The following ZFPM2 variants were observed in gnomAD, a reference collection of about 807,000 sequenced individuals.
ZFPM2 encodes zinc finger protein ZFPM2.
ZFPM2 carries 20 observed loss-of-function variants against 98.6 expected under a neutral mutation model. The ratio of observed to expected loss-of-function variants is 0.20; its 90% confidence interval spans 0.14 to 0.29. The LOEUF is 0.29. Ranked by LOEUF, ZFPM2 falls within the 10% of genes least tolerant of loss-of-function variation. The pLI is 1.00. For missense variants in ZFPM2, 1,310 were observed against 1,388.6 expected, an observed-to-expected ratio of 0.94 and a Z score of 0.90; for synonymous variants, 518 against 502.7, an observed-to-expected ratio of 1.03 and a Z score of -0.41.
chr8:105,335,279 A>G (rs1451474572), intron 1 of ZFPM2, among the ~76,000 whole-genome samples: 1 of 151,720 alleles, frequency 6.6e-6, no homozygotes, highest in Non-Finnish European at 1.5e-5. Flanking sequence ...TTTCAGCCTC[A>G]GTGGAATATT....
At chr8:105,788,192 A>T (rs1046273465) in intron 5 of ZFPM2, among the ~76,000 whole-genome samples, 13 of 152,130 alleles carry the variant, frequency 8.5e-5, no homozygotes, top group Non-Finnish European at 1.5e-4. Context: ...TTTCATTTTA[A>T]TTTTCTAGAT....
chr8:105,505,741 G>C lies in ZFPM2; in HGVS notation c.302-55622G>C, dbSNP rs1369763303. Among the ~76,000 whole-genome samples the C allele has an allele frequency of 2.0e-5, 3 of 151,922 alleles. No individual in the cohort carries two copies. The East Asian group carries it at 5.8e-4, about 29-fold the overall frequency. On this transcript the variant is annotated intron_variant, in intron 3 of 7. Coordinates refer to ENST00000407775, the MANE Select transcript of ZFPM2 (RefSeq NM_012082.4). ...TAGTTAAGCTAATGATTAATCACTGGTAATCAATGAGATATATATAGCCAA... is the reference window on the plus strand; with the variant it reads ...TAGTTAAGCTAATGATTAATCACTGCTAATCAATGAGATATATATAGCCAA...
chr8:105,333,475 T>C (rs1219080800), intron 1 of ZFPM2, among the ~76,000 whole-genome samples: 1 of 151,740 alleles, frequency 6.6e-6, no homozygotes, highest in African/African-American at 2.4e-5. Flanking sequence ...GAGGCAAAAA[T>C]GTTCACTAGC....
intron 4 of ZFPM2, among the ~76,000 whole-genome samples, chr8:105,606,435 A>G (rs1369657548): frequency 2.0e-5 from 3 of 151,954 alleles, no homozygotes; most frequent in Non-Finnish European, 4.4e-5. Flanking sequence ...TTGGTCTTAG[A>G]TCTGAATTCT....
Position 105,803,097 on chromosome 8 carries a change from G to A in ZFPM2, c.3015G>A (p.Glu1005=). 5 of 1,613,886 alleles carry A rather than the reference G, an allele frequency of 3.1e-6. No individual in the cohort carries two copies. Among genetic ancestry groups the A allele is most frequent in the Non-Finnish European group, 4.2e-6 (5 of 1,179,854 alleles). ...TTGTCATCCATAACACTGACATCGA[G>A]CAAAGCAGAAATGCAGAAAATGAAT... ...GSLVIHNTDI[E]QSRNAENESP... Residue 1005 remains glutamate, a synonymous_variant, in exon 8 of 8, where the codon GAG becomes GAA. Transcript: ENST00000407775.
chr8:105,740,159 G>A (rs948345876), intron 5 of ZFPM2, among the ~76,000 whole-genome samples: 3 of 151,898 alleles, frequency 2.0e-5, no homozygotes, highest in African/African-American at 4.8e-5. Flanking sequence ...CTATTACACA[G>A]CACTTAAACC....
intron 3 of ZFPM2, among the ~76,000 whole-genome samples, chr8:105,542,790 C>T (rs1386183119): frequency 1.3e-5 from 2 of 152,122 alleles, no homozygotes; most frequent in Non-Finnish European, 1.5e-5. Flanking sequence ...TTGCCAAGTT[C>T]CCCACAATGG....
At chr8:105,599,407 A>AAAAAAAAAT (rs71305168) in intron 4 of ZFPM2, among the ~76,000 whole-genome samples, 1 of 151,174 alleles carries the variant, frequency 6.6e-6, no homozygotes, top group Non-Finnish European at 1.5e-5. Context: ...AAAAAAAAAA[A>AAAAAAAAAT]TGAAGGCTGT....
At chr8:105,391,541 TAG>T (rs1452388011) in intron 1 of ZFPM2, among the ~76,000 whole-genome samples, 1 of 152,218 alleles carries the variant, frequency 6.6e-6, no homozygotes, top group Non-Finnish European at 1.5e-5. Context: ...CTTTCAGAAT[TAG>T]AGTCAATCCT....
intron 2 of ZFPM2, among the ~76,000 whole-genome samples, chr8:105,434,644 C>A (rs1354530589): frequency 2.0e-5 from 3 of 152,326 alleles, no homozygotes; most frequent in East Asian, 3.9e-4. Flanking sequence ...GAAAGTAGAT[C>A]TGTCACTTCT....
At chr8:105,495,121 C>T (rs1813434641) in intron 3 of ZFPM2, among the ~76,000 whole-genome samples, 1 of 152,182 alleles carries the variant, frequency 6.6e-6, no homozygotes, top group South Asian at 2.1e-4. Flanking sequence ...CTACCTTTAG[C>T]CATTGCTAGG....
intron 4 of ZFPM2, among the ~76,000 whole-genome samples, chr8:105,585,784 G>C (rs867097629): frequency 1.3e-5 from 2 of 152,064 alleles, no homozygotes; most frequent in African/African-American, 4.8e-5. Context: ...AGTGAGCTAC[G>C]ATCATGCCGT....
intron 5 of ZFPM2, among the ~76,000 whole-genome samples, chr8:105,722,180 C>T (rs1044668734): frequency 1.3e-5 from 2 of 151,324 alleles, no homozygotes; most frequent in African/African-American, 4.8e-5. Context: ...AGGCCTTGTA[C>T]CCCTCTGAAG....
intron 5 of ZFPM2, among the ~76,000 whole-genome samples, chr8:105,651,191 A>G (rs1817165671): frequency 6.6e-6 from 1 of 151,704 alleles, no homozygotes; most frequent in Non-Finnish European, 1.5e-5. Flanking sequence ...TCATTTATGT[A>G]TTTTCCTTTG....
rs568627742 is a variant in ZFPM2 at position 105,350,852 on chromosome 8, A to G, written c.40+31871A>G. Among the ~76,000 whole-genome samples, 8 of 152,234 alleles carry G rather than the reference A, an allele frequency of 5.3e-5. No individual in the cohort carries two copies. In the South Asian group the frequency reaches 1.2e-3, roughly 24 times the overall value. ...TCAGTATCTGTGGAGAATTGGTTTC[A>G]GAACCCCTAGCAGATACTAGATTCC... On this transcript the variant is annotated intron_variant, in intron 1 of 7. Coordinates refer to ENST00000407775, the MANE Select transcript of ZFPM2 (RefSeq NM_012082.4).
rs1810553548 is a variant in ZFPM2 at position 105,368,510 on chromosome 8, A to T, written c.40+49529A>T. Among the ~76,000 whole-genome samples the T allele has an allele frequency of 2.0e-5, 3 of 152,340 alleles. No homozygotes were observed. The South Asian group carries it at 6.2e-4, about 32-fold the overall frequency. Reference sequence around the variant, plus strand: ...GTTAAATTAAAACATTGATGCTTAAATCTAAGTATACTTGCTTTATACCAA... The same window carrying T: ...GTTAAATTAAAACATTGATGCTTAATTCTAAGTATACTTGCTTTATACCAA... On this transcript the variant is annotated intron_variant, in intron 1 of 7. Transcript: ENST00000407775.
chr8:105,783,210 G>GTTTTT (rs753557703), intron 5 of ZFPM2, among the ~76,000 whole-genome samples: 10 of 88,942 alleles, frequency 1.1e-4, no homozygotes, highest in African/African-American at 3.0e-4. Flanking sequence ...TTTCTTTATG[G>GTTTTT]TTTTTTTTTT....
chr8:105,635,718 G>T, intron 5 of ZFPM2, among the ~76,000 whole-genome samples: 1 of 152,150 alleles, frequency 6.6e-6, no homozygotes, highest in East Asian at 1.9e-4. Flanking sequence ...ACCACTTGTT[G>T]GGGACAAATT....
intron 1 of ZFPM2, among the ~76,000 whole-genome samples, chr8:105,355,213 C>T (rs947555714): frequency 6.6e-6 from 1 of 152,096 alleles, no homozygotes; most frequent in Non-Finnish European, 1.5e-5. Flanking sequence ...TAAAATATAT[C>T]GCTAAGGATG....
Sources: allele counts gnomAD v4.1 joint callset (sites outside exome capture counted in the v4.1 genomes callset), GRCh38; gene constraint gnomAD v4.1.1; transcripts MANE v1.5; gene names NCBI Gene and HGNC (gene_info 2026-07-23, HGNC 2026-07-21).